RAD54L2: variants seen among roughly 807,000 people sequenced by gnomAD.
RAD54L2 encodes helicase ARIP4.
RAD54L2 carries 27 observed loss-of-function variants against 138.4 expected under a neutral mutation model. That is an observed-to-expected ratio of 0.20 (90% confidence interval 0.14 to 0.27). The LOEUF is 0.27. Ranked by LOEUF, RAD54L2 falls within the 10% of genes least tolerant of loss-of-function variation. The probability of loss-of-function intolerance (pLI) is 1.00; values close to 1 mark genes in which losing one functional copy is unlikely to be tolerated. For missense variants in RAD54L2, 1,396 were observed against 1,890.2 expected, an observed-to-expected ratio of 0.74 and a Z score of 4.85; for synonymous variants, 644 against 723.2, an observed-to-expected ratio of 0.89 and a Z score of 1.76.
At chr3:51,614,932 C>G (rs1422945303) in intron 3 of RAD54L2, among the ~76,000 whole-genome samples, 1 of 145,560 alleles carries the variant, frequency 6.9e-6, no homozygotes, top group South Asian at 2.1e-4. Context: ...TTTTTTTTTT[C>G]TCAAACTGGC....
chr3:51,603,972 A>T (rs989405148), intron 3 of RAD54L2, among the ~76,000 whole-genome samples: 3 of 152,218 alleles, frequency 2.0e-5, no homozygotes, highest in Non-Finnish European at 4.4e-5. Flanking sequence ...AATTGCCTGT[A>T]TGGGGGATAA....
chr3:51,655,159 T>C (rs1701564244), intron 19 of RAD54L2, among the ~76,000 whole-genome samples: 1 of 151,940 alleles, frequency 6.6e-6, no homozygotes, highest in Admixed American at 6.5e-5. Flanking sequence ...AGTGTTATTT[T>C]ATGTGCCAAT....
At chr3:51,591,819 TCC>T (rs1699845991) in intron 3 of RAD54L2, among the ~76,000 whole-genome samples, 1 of 152,186 alleles carries the variant, frequency 6.6e-6, no homozygotes, top group African/African-American at 2.4e-5. Context: ...CCCTTAGAAC[TCC>T]CATCAGGTTT....
intron 3 of RAD54L2, among the ~76,000 whole-genome samples, chr3:51,611,780 A>G (rs959004049): frequency 1.3e-5 from 2 of 151,388 alleles, no homozygotes; most frequent in African/African-American, 4.9e-5. Context: ...CTGGTCATGA[A>G]CTCCTGACCT....
chr3:51,650,127 G>T (rs1410109729), intron 19 of RAD54L2, among the ~76,000 whole-genome samples: 1 of 152,072 alleles, frequency 6.6e-6, no homozygotes, highest in Non-Finnish European at 1.5e-5. Context: ...AAAAGCAGAG[G>T]TTGCAATCCT....
chr3:51,570,173 T>A (rs1456985651), intron 2 of RAD54L2, among the ~76,000 whole-genome samples: 4 of 128,718 alleles, frequency 3.1e-5, no homozygotes, highest in Admixed American at 1.8e-4. Flanking sequence ...TGAGACAGAG[T>A]CTCACTCTTA....
Position 51,645,310 on chromosome 3 carries a change from G to T in RAD54L2, c.2656+81G>T. On this transcript the variant is annotated intron_variant, in intron 17 of 22. Coordinates refer to ENST00000684192, the MANE Select transcript of RAD54L2 (RefSeq NM_015106.4). This position sits in a 1 kb window ranked among gnomAD's most constrained non-coding sequence, Gnocchi z 6.1. ...AGTATCAAGGGTGGGAGAGGAGCAGGATATGGGAACACAGGCAGGCTTCGA... is the reference window on the plus strand; with the variant it reads ...AGTATCAAGGGTGGGAGAGGAGCAGTATATGGGAACACAGGCAGGCTTCGA... 7.2e-7 allele frequency: 1 copy of T among 1,381,494 alleles called. No individual in the cohort carries two copies. 85.6% of individuals were successfully genotyped at this position (1,381,494 alleles called of 1,614,324 possible). A position where few individuals can be genotyped will look rare whatever the true frequency, so the allele number is the denominator to read the frequency against.
chr3:51,597,226 A>G (rs957511688), intron 3 of RAD54L2, among the ~76,000 whole-genome samples: 1 of 151,822 alleles, frequency 6.6e-6, no homozygotes. Flanking sequence ...AGAATTTTAT[A>G]ACAAATCAAA....
At chr3:51,630,597 T>G in intron 6 of RAD54L2, 108 bp from the exon 7 acceptor site, 2 of 1,052,544 alleles carry the variant, frequency 1.9e-6, no homozygotes, top group Non-Finnish European at 2.8e-6. Context: ...TTTTAATAAG[T>G]GTTGACAAGT....
intron 19 of RAD54L2, among the ~76,000 whole-genome samples, chr3:51,649,026 A>T (rs1406096588): frequency 1.3e-5 from 2 of 152,170 alleles, no homozygotes; most frequent in African/African-American, 4.8e-5. Flanking sequence ...AGGATGTTCA[A>T]ACCCATTGCA....
At position 51,652,631 on chromosome 3, in the gene RAD54L2, A is replaced by G. The variant is rs545252834; in HGVS notation, c.3027-3340A>G. On this transcript the variant is annotated intron_variant, in intron 19 of 22. Coordinates refer to ENST00000684192, the MANE Select transcript of RAD54L2 (RefSeq NM_015106.4). ...CCCTCAGAAATAACACCACACGTCT[A>G]CAACCATCTGATCTTTGACAAACCT... is the stretch of plus-strand genomic sequence containing the variant. 2.4e-4 allele frequency among the ~76,000 whole-genome samples: 37 copies of G among 152,354 alleles called. 1 individual carries two copies. The highest frequency in any genetic ancestry group is 8.9e-4 in the African/African-American group (37 of 41,582).
At chr3:51,581,774 A>G (rs551826408) in intron 2 of RAD54L2, among the ~76,000 whole-genome samples, 38 of 152,196 alleles carry the variant, frequency 2.5e-4, no homozygotes, top group African/African-American at 9.1e-4. Flanking sequence ...CTTTTTTCCA[A>G]GCCTCTTCAG....
At chr3:51,549,428 A>G (rs529708005) in intron 2 of RAD54L2, among the ~76,000 whole-genome samples, 1 of 152,266 alleles carries the variant, frequency 6.6e-6, no homozygotes, top group Admixed American at 6.5e-5. Context: ...GGCCCATGAA[A>G]CAAGTAGGAG....
At chr3:51,550,328 T>C (rs949391853) in intron 2 of RAD54L2, among the ~76,000 whole-genome samples, 1 of 152,230 alleles carries the variant, frequency 6.6e-6, no homozygotes, top group African/African-American at 2.4e-5. Flanking sequence ...CATACTTTCG[T>C]CATCCAGTCT....
intron 3 of RAD54L2, among the ~76,000 whole-genome samples, chr3:51,626,990 C>T (rs147053762): frequency 6.6e-6 from 1 of 152,128 alleles, no homozygotes; most frequent in Admixed American, 6.6e-5. Context: ...AGAACACAAA[C>T]TTCTTGAAGG....
At chr3:51,560,511 C>T (rs1374419280) in intron 2 of RAD54L2, among the ~76,000 whole-genome samples, 3 of 151,940 alleles carry the variant, frequency 2.0e-5, no homozygotes, top group African/African-American at 7.3e-5. Context: ...CAGGTGCCCA[C>T]CACCACGCCT....
At chr3:51,622,449 G>A (rs1390794041) in intron 3 of RAD54L2, among the ~76,000 whole-genome samples, 9 of 152,096 alleles carry the variant, frequency 5.9e-5, no homozygotes, top group Admixed American at 3.9e-4. Flanking sequence ...GTATTGCAGT[G>A]TCCCATCATG....
At chr3:51,582,240 T>C (rs768913097) in intron 2 of RAD54L2, among the ~76,000 whole-genome samples, 7 of 152,050 alleles carry the variant, frequency 4.6e-5, no homozygotes, top group Non-Finnish European at 1.0e-4. Context: ...TATAGCTGTG[T>C]GGAAAGACAC....
intron 2 of RAD54L2, among the ~76,000 whole-genome samples, chr3:51,554,956 C>T (rs1202206273): frequency 1.3e-5 from 2 of 152,134 alleles, no homozygotes; most frequent in African/African-American, 4.8e-5. Context: ...GATTCTCTTG[C>T]TGCAGCCTTC....
Sources: gnomAD v4.1 joint callset for allele counts (sites outside exome capture counted in the v4.1 genomes callset) on GRCh38, gnomAD v4.1.1 for gene constraint, Gnocchi (gnomAD v3.1) non-coding constraint, MANE v1.5 for transcripts, NCBI Gene and HGNC (gene_info 2026-07-23, HGNC 2026-07-21) for gene names.